TENM4: variants seen among roughly 807,000 people sequenced by gnomAD.
The protein encoded by TENM4 is teneurin-4.
A neutral mutation model predicts 243.3 loss-of-function variants in TENM4; 82 were observed. That is an observed-to-expected ratio of 0.34 (90% CI 0.28 to 0.40). The LOEUF is 0.40. Ranked by LOEUF, TENM4 falls within the 10% of genes least tolerant of loss-of-function variation. The pLI, the probability that TENM4 is intolerant of heterozygous loss-of-function variation, is 1.00. For synonymous variants in TENM4, 1,412 were observed against 1,456.3 expected, an observed-to-expected ratio of 0.97 and a Z score of 0.69; for missense variants, 3,138 against 3,673.3, an observed-to-expected ratio of 0.85 and a Z score of 3.77.
In TENM4 at chr11:78,654,667, C is replaced by G. The variant is rs1198784689; in HGVS notation, c.*3391G>C. 1.3e-5 allele frequency: 2 copies of G among 152,072 alleles called. No individual in the cohort carries two copies. The highest frequency in any genetic ancestry group is 1.3e-4 in the Admixed American group (2 of 15,272). The allele number at this position is 152,072 out of a possible 1,614,324, so 9.4% of individuals were successfully genotyped here. ...CAATCCTCTCTCCCTAAGTAGAAATCAGGCACTGGTGTGGTCCTTGGGTTA... is the reference window on the plus strand; with the variant it reads ...CAATCCTCTCTCCCTAAGTAGAAATGAGGCACTGGTGTGGTCCTTGGGTTA... On this transcript the variant is annotated 3_prime_UTR_variant, in exon 34 of 34. Transcript: ENST00000278550.
intron 6 of TENM4, among the ~76,000 whole-genome samples, chr11:79,019,580 C>T (rs530418139): frequency 6.6e-6 from 1 of 152,212 alleles, no homozygotes; most frequent in African/African-American, 2.4e-5. Context: ...TTACTTTGCT[C>T]TCTAAGTACT....
chr11:79,152,376 G>A (rs778392071), intron 3 of TENM4, among the ~76,000 whole-genome samples: 28 of 152,086 alleles, frequency 1.8e-4, no homozygotes, highest in Non-Finnish European at 3.2e-4. Flanking sequence ...GAGGTTCATC[G>A]TCTCCAGGTC....
At chr11:79,377,107 T>C (rs1042939788) in intron 1 of TENM4, among the ~76,000 whole-genome samples, 1 of 152,132 alleles carries the variant, frequency 6.6e-6, no homozygotes, top group Non-Finnish European at 1.5e-5. Context: ...TGGAGATGGA[T>C]GCAAAGTTTG....
At chr11:79,160,793 C>T (rs1004265844) in intron 3 of TENM4, among the ~76,000 whole-genome samples, 1 of 152,180 alleles carries the variant, frequency 6.6e-6, no homozygotes, top group South Asian at 2.1e-4. Flanking sequence ...TGATCAATCT[C>T]CCCATCTTTC....
At chr11:78,718,936 GT>G (rs1293036659) in intron 25 of TENM4, among the ~76,000 whole-genome samples, 2 of 152,078 alleles carry the variant, frequency 1.3e-5, no homozygotes, top group Non-Finnish European at 2.9e-5. Context: ...TTTAATACAT[GT>G]GCCTTTGGGT....
At chr11:79,409,219 T>C (rs947533685) in intron 1 of TENM4, among the ~76,000 whole-genome samples, 2 of 151,606 alleles carry the variant, frequency 1.3e-5, no homozygotes, top group African/African-American at 2.4e-5. Flanking sequence ...AAAAAGATTA[T>C]ACTAAGGAAT....
At chr11:79,232,796 A>T (rs114940733) in intron 2 of TENM4, among the ~76,000 whole-genome samples, 4 of 152,364 alleles carry the variant, frequency 2.6e-5, no homozygotes, top group African/African-American at 9.6e-5. Context: ...AAGGAGGTGA[A>T]TCAGTGATCT....
At chr11:78,777,812 T>C (rs759272837) in intron 17 of TENM4, among the ~76,000 whole-genome samples, 7 of 152,178 alleles carry the variant, frequency 4.6e-5, no homozygotes, top group Non-Finnish European at 1.0e-4. Flanking sequence ...GAATATGACA[T>C]GGTATTTCTC....
chr11:78,720,402 C>T lies in TENM4; in HGVS notation c.3801-12G>A. 1.9e-6 allele frequency: 3 copies of T among 1,613,778 alleles called. No individual in the cohort carries two copies. Among genetic ancestry groups the T allele is most frequent in the Non-Finnish European group, 2.5e-6 (3 of 1,179,842 alleles). On this transcript the variant is annotated splice_polypyrimidine_tract_variant and intron_variant, in intron 24 of 33. Coordinates refer to ENST00000278550, the MANE Select transcript of TENM4 (RefSeq NM_001098816.3). ...TGAAATCTTTATTTCTGACAGAAGA[C>T]AGGAGAGCAGGGAATAGAAGAAAGA...
intron 1 of TENM4, among the ~76,000 whole-genome samples, chr11:79,437,521 C>A (rs938699152): frequency 6.6e-6 from 1 of 152,212 alleles, no homozygotes; most frequent in African/African-American, 2.4e-5. Flanking sequence ...GCCCCGCCCA[C>A]CCGGCCGCCC....
chr11:79,154,408 C>T (rs1053640719), intron 3 of TENM4, among the ~76,000 whole-genome samples: 11 of 152,106 alleles, frequency 7.2e-5, no homozygotes, highest in African/African-American at 2.7e-4. Context: ...CAGATCTGTC[C>T]CCATGTCCCA....
chr11:79,086,835 C>CAAAAAAAA (rs371315703), intron 4 of TENM4, among the ~76,000 whole-genome samples: 1 of 89,096 alleles, frequency 1.1e-5, no homozygotes. Flanking sequence ...CTCTGTCTCG[C>CAAAAAAAA]AAAAAAAAAA....
chr11:79,279,802 C>T (rs1856123526), intron 2 of TENM4, among the ~76,000 whole-genome samples: 1 of 152,162 alleles, frequency 6.6e-6, no homozygotes, highest in Non-Finnish European at 1.5e-5. Flanking sequence ...TATCCTCTTG[C>T]TATGGTTTGA....
intron 24 of TENM4, among the ~76,000 whole-genome samples, chr11:78,721,233 CATAAT>C (rs1322874213): frequency 6.6e-6 from 1 of 152,234 alleles, no homozygotes; most frequent in African/African-American, 2.4e-5. Context: ...CAGTCAGACT[CATAAT>C]AGACAGCAGA....
At chr11:78,936,964 A>G (rs1856799826) in intron 6 of TENM4, among the ~76,000 whole-genome samples, 2 of 152,184 alleles carry the variant, frequency 1.3e-5, no homozygotes. Context: ...TTAATTAAGG[A>G]ACTTGATTGA....
intron 12 of TENM4, among the ~76,000 whole-genome samples, chr11:78,834,861 C>T (rs12294376): frequency 0.02 from 3,063 of 152,208 alleles, 105 homozygotes; most frequent in African/African-American, 0.069. Context: ...ACTCTGAATC[C>T]ACCCGTTTCC....
chr11:79,378,874 C>A (rs1478927903), intron 1 of TENM4, among the ~76,000 whole-genome samples: 2 of 144,558 alleles, frequency 1.4e-5, no homozygotes. Flanking sequence ...CAGAATGAGG[C>A]CCTGTCTGTT....
chr11:78,880,995 C>T (rs1254794494), intron 9 of TENM4, among the ~76,000 whole-genome samples: 1 of 152,126 alleles, frequency 6.6e-6, no homozygotes, highest in African/African-American at 2.4e-5. Flanking sequence ...GGTCACGTAA[C>T]TCTACCAGTT....
At chr11:79,155,134 C>T (rs1208908620) in intron 3 of TENM4, among the ~76,000 whole-genome samples, 1 of 152,128 alleles carries the variant, frequency 6.6e-6, no homozygotes, top group Non-Finnish European at 1.5e-5. Flanking sequence ...TCCCCTGAGA[C>T]CACAACAGCC....
Sources: allele counts gnomAD v4.1 joint callset (sites outside exome capture counted in the v4.1 genomes callset), GRCh38; gene constraint gnomAD v4.1.1; transcripts MANE v1.5; gene names NCBI Gene and HGNC (gene_info 2026-07-23, HGNC 2026-07-21).